IMMP2L: variants seen among roughly 807,000 people sequenced by gnomAD.
The protein encoded by IMMP2L is inner mitochondrial membrane peptidase subunit 2.
A neutral mutation model predicts 19.3 loss-of-function variants in IMMP2L; 18 were observed. The ratio of observed to expected loss-of-function variants is 0.93; its 90% CI spans 0.64 to 1.38. IMMP2L has a LOEUF of 1.38. Ranked by LOEUF, IMMP2L falls within the 40% of genes most tolerant of loss-of-function variation. The pLI is 0.00. For missense variants in IMMP2L, 233 were observed against 218.2 expected (o/e 1.07, Z -0.43); for synonymous variants, 76 against 73.0 (o/e 1.04, Z -0.21).
intron 4 of IMMP2L, among the ~76,000 whole-genome samples, chr7:110,936,597 T>C (rs1563094238): frequency 6.6e-6 from 1 of 152,190 alleles, no homozygotes; most frequent in Non-Finnish European, 1.5e-5. Flanking sequence ...TTTACACTGT[T>C]GGTGGGAGTG....
At chr7:111,437,455 T>A (rs1316664523) in intron 3 of IMMP2L, among the ~76,000 whole-genome samples, 1 of 151,592 alleles carries the variant, frequency 6.6e-6, no homozygotes. Context: ...TCAAAAAAAA[T>A]AAATTAATGC....
At chr7:110,668,811 GAGAGTGTC>G (rs947266361) in intron 5 of IMMP2L, among the ~76,000 whole-genome samples, 11 of 151,810 alleles carry the variant, frequency 7.2e-5, no homozygotes, top group African/African-American at 2.7e-4. Context: ...TAGAGAGAGA[GAGAGTGTC>G]TGTTCATCCT....
At chr7:111,351,188 T>G (rs927461901) in intron 3 of IMMP2L, among the ~76,000 whole-genome samples, 2 of 152,052 alleles carry the variant, frequency 1.3e-5, no homozygotes, top group Non-Finnish European at 1.5e-5. Context: ...TTTTATTTTA[T>G]TTATTTATTT....
chr7:111,332,979 G>A, intron 3 of IMMP2L, among the ~76,000 whole-genome samples: 1 of 152,048 alleles, frequency 6.6e-6, no homozygotes, highest in Non-Finnish European at 1.5e-5. Context: ...CCCTTAGGGT[G>A]TCTCTTAGTA....
At chr7:111,102,460 T>C (rs1033999358) in intron 3 of IMMP2L, among the ~76,000 whole-genome samples, 46 of 151,600 alleles carry the variant, frequency 3.0e-4, no homozygotes, top group African/African-American at 1.1e-3. Context: ...TCTCTTTAGA[T>C]TGTCATTTTA....
intron 2 of IMMP2L, among the ~76,000 whole-genome samples, chr7:111,521,040 A>G (rs1173868768): frequency 3.3e-5 from 5 of 152,164 alleles, no homozygotes; most frequent in Admixed American, 2.0e-4. Flanking sequence ...GTCATTTAGT[A>G]TAATTTCTTA....
intron 3 of IMMP2L, among the ~76,000 whole-genome samples, chr7:110,981,966 G>A (rs1039226127): frequency 6.6e-6 from 1 of 152,124 alleles, no homozygotes; most frequent in Non-Finnish European, 1.5e-5. Context: ...AGAGGAATAA[G>A]AAACTAAATA....
intron 3 of IMMP2L, among the ~76,000 whole-genome samples, chr7:111,118,755 G>C (rs1481274567): frequency 6.6e-6 from 1 of 151,930 alleles, no homozygotes; most frequent in Non-Finnish European, 1.5e-5. Flanking sequence ...ACAGACTTAA[G>C]AAAAAGTCAA....
intron 3 of IMMP2L, among the ~76,000 whole-genome samples, chr7:111,396,017 C>T (rs1347061246): frequency 2.6e-5 from 4 of 152,094 alleles, no homozygotes; most frequent in African/African-American, 7.2e-5. Flanking sequence ...AACAGGAATA[C>T]TTTTACAGTG....
chr7:110,962,722 G>T (rs1819090984), intron 4 of IMMP2L: 2 of 1,020,114 alleles, frequency 2.0e-6, no homozygotes, highest in South Asian at 4.6e-5. Flanking sequence ...ACTGACTGAG[G>T]TTCATTTCAG....
In IMMP2L at chr7:110,886,657, CG is replaced by C; in HGVS notation, c.343del (p.Arg115ValfsTer25). The part of the protein sequence containing the change: ...GHKNRYVKVP[R>X]GHIWVEGDHH... ...ATCACCTTCAACCCAGATGTGACCA[CG>C]GGGGACTTTGACATACCGGTTTTTG... On this transcript the variant is annotated frameshift_variant, in exon 5 of 6. Transcript: ENST00000405709. LOFTEE classifies it high-confidence loss of function. 6.2e-7 allele frequency: 1 copy of C among 1,608,512 alleles called. No individual in the cohort carries two copies. Among genetic ancestry groups the C allele is most frequent in the Non-Finnish European group, 8.5e-7 (1 of 1,175,284 alleles).
chr7:110,837,688 A>G (rs1804640000), intron 5 of IMMP2L, among the ~76,000 whole-genome samples: 1 of 152,178 alleles, frequency 6.6e-6, no homozygotes, highest in Non-Finnish European at 1.5e-5. Context: ...AGGGGCCTCA[A>G]GCTACTTAAG....
intron 3 of IMMP2L, among the ~76,000 whole-genome samples, chr7:110,967,359 G>T (rs1585495626): frequency 6.6e-6 from 1 of 152,018 alleles, no homozygotes; most frequent in Non-Finnish European, 1.5e-5. Flanking sequence ...TGTGGGGATG[G>T]AGAGATTAGC....
intron 3 of IMMP2L, among the ~76,000 whole-genome samples, chr7:111,047,019 A>T (rs569191888): frequency 6.6e-6 from 1 of 152,156 alleles, no homozygotes; most frequent in African/African-American, 2.4e-5. Flanking sequence ...CTCCTTTGCT[A>T]CTTTCATATA....
intron 3 of IMMP2L, among the ~76,000 whole-genome samples, chr7:111,176,699 A>G (rs1167220568): frequency 6.6e-6 from 1 of 152,036 alleles, no homozygotes; most frequent in East Asian, 1.9e-4. Flanking sequence ...AATAAAATCT[A>G]GTATTTGATA....
intron 3 of IMMP2L, among the ~76,000 whole-genome samples, chr7:111,204,442 G>A (rs531602003): frequency 4.3e-4 from 66 of 152,012 alleles, no homozygotes; most frequent in Non-Finnish European, 7.6e-4. Flanking sequence ...TTAATATGCT[G>A]TACAGTTTTC....
chr7:110,978,881 G>A (rs977628191), intron 3 of IMMP2L, among the ~76,000 whole-genome samples: 3 of 151,920 alleles, frequency 2.0e-5, no homozygotes, highest in Non-Finnish European at 4.4e-5. Flanking sequence ...TAATAAAAAT[G>A]GAAAAAGCTA....
chr7:110,998,682 T>A (rs1823301474), intron 3 of IMMP2L, among the ~76,000 whole-genome samples: 1 of 152,152 alleles, frequency 6.6e-6, no homozygotes, highest in African/African-American at 2.4e-5. Context: ...ACTGGGATTG[T>A]CAACTAGAGT....
intron 3 of IMMP2L, among the ~76,000 whole-genome samples, chr7:111,379,047 A>C (rs1003261261): frequency 2.0e-5 from 3 of 151,750 alleles, no homozygotes; most frequent in African/African-American, 7.2e-5. Context: ...TAAAAGGCTA[A>C]TGAGACCATT....
Sources: allele counts gnomAD v4.1 joint callset (sites outside exome capture counted in the v4.1 genomes callset), GRCh38; gene constraint gnomAD v4.1.1; transcripts MANE v1.5; gene names NCBI Gene and HGNC (gene_info 2026-07-23, HGNC 2026-07-21).